The following RAD51B variants were observed in gnomAD, a reference collection of about 807,000 sequenced individuals.
RAD51B encodes DNA repair protein RAD51 homolog 2.
In RAD51B, 38 loss-of-function variants were observed where a neutral mutation model predicts 42.2. That is an observed-to-expected ratio of 0.90 (90% CI 0.70 to 1.18). The LOEUF is 1.18. Among genes scored for constraint, RAD51B ranks in the 50% most tolerant of loss-of-function variants. The pLI, the probability that RAD51B is intolerant of heterozygous loss-of-function variation, is 0.00. For missense variants in RAD51B, 373 were observed against 400.7 expected (o/e 0.93, Z 0.59); for synonymous variants, 154 against 145.2 (o/e 1.06, Z -0.43).
intron 8 of RAD51B, among the ~76,000 whole-genome samples, chr14:68,337,553 A>T (rs1172801476): frequency 6.6e-6 from 1 of 152,164 alleles, no homozygotes; most frequent in African/African-American, 2.4e-5. Flanking sequence ...TTTGCTGTCT[A>T]GCTTTCTGCT....
At chr14:68,610,252 C>T (rs1035050344) in intron 10 of RAD51B, among the ~76,000 whole-genome samples, 1 of 152,196 alleles carries the variant, frequency 6.6e-6, no homozygotes, top group Non-Finnish European at 1.5e-5. Context: ...CTCTGTCTCC[C>T]TGCATGTCTG....
chr14:68,585,495 C>T (rs1249830872), intron 10 of RAD51B, among the ~76,000 whole-genome samples: 1 of 152,160 alleles, frequency 6.6e-6, no homozygotes, highest in African/African-American at 2.4e-5. Context: ...AATAGCCAAA[C>T]AGGCTCCAAG....
chr14:68,082,459 T>C (rs1001412946), intron 7 of RAD51B, among the ~76,000 whole-genome samples: 1 of 146,742 alleles, frequency 6.8e-6, no homozygotes, highest in African/African-American at 2.7e-5. Flanking sequence ...ATATTTGATA[T>C]GCATAGGAGA....
chr14:68,380,489 G>A (rs947469984), intron 8 of RAD51B, among the ~76,000 whole-genome samples: 16 of 152,178 alleles, frequency 1.1e-4, no homozygotes. Flanking sequence ...GTTTTCATCA[G>A]TTTCCTCAGG....
chr14:68,678,695 G>T (rs932791684), intron 11 of RAD51B, among the ~76,000 whole-genome samples: 2 of 152,132 alleles, frequency 1.3e-5, no homozygotes, highest in African/African-American at 4.8e-5. Flanking sequence ...AGGCCGTGAG[G>T]GTTTCAGGGG....
intron 10 of RAD51B, among the ~76,000 whole-genome samples, chr14:68,584,079 C>T (rs1890339083): frequency 6.6e-6 from 1 of 152,150 alleles, no homozygotes; most frequent in African/African-American, 2.4e-5. Flanking sequence ...CCCCCACCCC[C>T]CATGCTGGGG....
intron 10 of RAD51B, among the ~76,000 whole-genome samples, chr14:68,472,758 T>C (rs936136648): frequency 6.6e-5 from 10 of 152,186 alleles, no homozygotes; most frequent in Non-Finnish European, 1.3e-4. Flanking sequence ...CCGGAGAAGG[T>C]GCTGGAGATG....
chr14:68,246,423 A>C (rs942508349), intron 7 of RAD51B, among the ~76,000 whole-genome samples: 2 of 152,214 alleles, frequency 1.3e-5, no homozygotes, highest in African/African-American at 2.4e-5. Flanking sequence ...AGATGGAGCA[A>C]AGCTGAGCAC....
chr14:68,590,452 C>A (rs760053984), intron 10 of RAD51B, among the ~76,000 whole-genome samples: 1 of 152,210 alleles, frequency 6.6e-6, no homozygotes, highest in African/African-American at 2.4e-5. Context: ...TCACCTCCCC[C>A]GCAGCGTTGG....
At chr14:68,644,972 A>G (rs1221649369) in intron 10 of RAD51B, among the ~76,000 whole-genome samples, 2 of 152,102 alleles carry the variant, frequency 1.3e-5, no homozygotes, top group Non-Finnish European at 2.9e-5. Context: ...GGTTTGTTTC[A>G]TTTTTTCACT....
intron 9 of RAD51B, among the ~76,000 whole-genome samples, chr14:68,451,345 ATAAG>A (rs2085553007): frequency 6.6e-6 from 1 of 152,208 alleles, no homozygotes; most frequent in Admixed American, 6.5e-5. Flanking sequence ...ATAATAGTTG[ATAAG>A]TGAGTCATTC....
intron 3 of RAD51B, among the ~76,000 whole-genome samples, chr14:67,827,461 T>G (rs1229437829): frequency 2.2e-5 from 3 of 135,918 alleles, no homozygotes; most frequent in Non-Finnish European, 5.0e-5. Flanking sequence ...AACACTGGCT[T>G]AGTTTTTTTT....
intron 9 of RAD51B, among the ~76,000 whole-genome samples, chr14:68,450,940 C>G (rs2085543894): frequency 6.6e-6 from 1 of 152,122 alleles, no homozygotes; most frequent in Non-Finnish European, 1.5e-5. Context: ...GGGCTCAGTG[C>G]CAGGCCATGC....
intron 7 of RAD51B, among the ~76,000 whole-genome samples, chr14:68,231,711 T>C (rs2767373): frequency 0.012 from 1,803 of 152,312 alleles, 36 homozygotes; most frequent in African/African-American, 0.039. Context: ...GTTTAATGAA[T>C]GGAGAAGGAC....
At chr14:68,185,930 C>G (rs1306818881) in intron 7 of RAD51B, among the ~76,000 whole-genome samples, 1 of 152,160 alleles carries the variant, frequency 6.6e-6, no homozygotes, top group Non-Finnish European at 1.5e-5. Flanking sequence ...AAAACTCTCC[C>G]TTTGAGGCAT....
At chr14:68,370,445 A>G (rs940747915) in intron 8 of RAD51B, among the ~76,000 whole-genome samples, 11 of 152,230 alleles carry the variant, frequency 7.2e-5, no homozygotes, top group Admixed American at 7.2e-4. Context: ...TAGGGTATGT[A>G]AAACTAGGTA....
chr14:68,334,945 A>T (rs2082418281), intron 8 of RAD51B, among the ~76,000 whole-genome samples: 1 of 79,506 alleles, frequency 1.3e-5, no homozygotes, highest in African/African-American at 3.7e-5. Flanking sequence ...ATATATAAGT[A>T]TTATATATGT....
At chr14:68,254,308 GGTTCTT>G (rs1239957047) in intron 7 of RAD51B, among the ~76,000 whole-genome samples, 5 of 152,174 alleles carry the variant, frequency 3.3e-5, no homozygotes, top group Non-Finnish European at 7.3e-5. Context: ...CAGGGTGGGA[GGTTCTT>G]GTCCTAGTTA....
In RAD51B at chr14:68,303,457, TAAAAAA is replaced by T. The variant is rs58955054; in HGVS notation, c.853+11491_853+11496del. On this transcript the variant is annotated intron_variant, in intron 8 of 10. Coordinates refer to ENST00000471583, the MANE Select transcript of RAD51B (RefSeq NM_133510.4). ...ATGTATCCCAGAATATAAAGTATAA[TAAAAAA>T]AAAAAAAAAAAAAGAAAAGAAAAAG... is the stretch of plus-strand genomic sequence containing the variant. 5.8e-5 allele frequency among the ~76,000 whole-genome samples: 8 copies of T among 138,746 alleles called. No homozygotes were observed. In the South Asian group the frequency reaches 1.6e-3, roughly 27 times the overall value. The allele number at this position is 138,746 out of a possible 152,430, so 91.0% of individuals were successfully genotyped here.
Sources: allele counts gnomAD v4.1 joint callset (sites outside exome capture counted in the v4.1 genomes callset), GRCh38; gene constraint gnomAD v4.1.1; transcripts MANE v1.5; gene names NCBI Gene and HGNC (gene_info 2026-07-23, HGNC 2026-07-21).